Variants in ATP8A2 observed in about 807,000 individuals in gnomAD.
ATP8A2 encodes the protein ATPase phospholipid transporting 8A2.
ATP8A2 carries 100 observed loss-of-function variants against 165.6 expected under a neutral mutation model. That is an observed-to-expected ratio of 0.60 (90% CI 0.51 to 0.71). ATP8A2 has a LOEUF of 0.71. Ranked by LOEUF, ATP8A2 falls within the 30% of genes least tolerant of loss-of-function variation. The probability of loss-of-function intolerance (pLI) is 0.00; values close to 1 mark genes in which losing one functional copy is unlikely to be tolerated. For missense variants in ATP8A2, 1,227 were observed against 1,479.5 expected, an observed-to-expected ratio of 0.83 and a Z score of 2.80; for synonymous variants, 543 against 548.8, an observed-to-expected ratio of 0.99 and a Z score of 0.15.
In ATP8A2 at chr13:25,809,699, T is replaced by C. The variant is rs1950819341; in HGVS notation, c.2680-18419T>C. Among the ~76,000 whole-genome samples the C allele has an allele frequency of 1.3e-5, 2 of 152,030 alleles. 1 individual carries two copies. The highest frequency in any genetic ancestry group is 1.3e-4 in the Admixed American group (2 of 15,264). On this transcript the variant is annotated intron_variant, in intron 27 of 36. Coordinates refer to ENST00000381655, the MANE Select transcript of ATP8A2 (RefSeq NM_016529.6). ...CAACACCCTGTGTTCTTCAGAGCTCTGATGTTCTTATTTGTACGTTTCCTT... is the reference window on the plus strand; with the variant it reads ...CAACACCCTGTGTTCTTCAGAGCTCCGATGTTCTTATTTGTACGTTTCCTT...
intron 35 of ATP8A2, among the ~76,000 whole-genome samples, chr13:25,978,563 G>A (rs1956110888): frequency 6.6e-6 from 1 of 151,476 alleles, no homozygotes; most frequent in South Asian, 2.1e-4. Flanking sequence ...AGGCCCCCCA[G>A]CATTCAGGGT....
chr13:25,700,692 A>G (rs1191622259), intron 25 of ATP8A2, among the ~76,000 whole-genome samples: 1 of 152,150 alleles, frequency 6.6e-6, no homozygotes, highest in Non-Finnish European at 1.5e-5. Flanking sequence ...GTTTGGACGT[A>G]GGTTTTCGAC....
chr13:26,020,076 C>A lies in ATP8A2; in HGVS notation c.*91C>A. 1.1e-6 allele frequency: 1 copy of A among 898,358 alleles called. No individual in the cohort carries two copies. 55.6% of individuals were successfully genotyped at this position (898,358 alleles called of 1,614,324 possible). ...CTTTGTCAGAGAAGACTGGCGTCAG[C>A]AGCCAAAACACCAGGAAACACATTT... On this transcript the variant is annotated 3_prime_UTR_variant, in exon 37 of 37. Transcript: ENST00000381655.
rs2040368581 is a variant in ATP8A2, at chr13:25,600,949, CT to C, written c.2211+11251del. Among the ~76,000 whole-genome samples the C allele has an allele frequency of 2.0e-5, 3 of 152,194 alleles. 1 individual carries two copies. The highest frequency in any genetic ancestry group is 1.3e-4 in the Admixed American group (2 of 15,282). ...TACTACAAGATCGCACGGATGTGGTCTATTCCATAAAAGTCAGACCTTTAAC... is the reference window on the plus strand; with the variant it reads ...TACTACAAGATCGCACGGATGTGGTCATTCCATAAAAGTCAGACCTTTAAC... On this transcript the variant is annotated intron_variant, in intron 24 of 36. Transcript: ENST00000381655.
chr13:25,892,456 TTCTCTCTC>T (rs922946189), intron 33 of ATP8A2, among the ~76,000 whole-genome samples: 1 of 125,436 alleles, frequency 8.0e-6, no homozygotes, highest in Non-Finnish European at 1.5e-5. Flanking sequence ...ATGGAAACAT[TTCTCTCTC>T]TCTCTGTCTC....
At chr13:25,392,792 T>TA (rs1398157348) in intron 1 of ATP8A2, among the ~76,000 whole-genome samples, 1 of 152,092 alleles carries the variant, frequency 6.6e-6, no homozygotes, top group Non-Finnish European at 1.5e-5. Flanking sequence ...AACTGGATTC[T>TA]AAGCCGGGCG....
At chr13:25,980,549 C>A (rs1956155257) in intron 35 of ATP8A2, among the ~76,000 whole-genome samples, 1 of 152,128 alleles carries the variant, frequency 6.6e-6, no homozygotes, top group Admixed American at 6.5e-5. Flanking sequence ...CCAGATCACA[C>A]AGGCCTTTGT....
At chr13:25,613,493 G>A (rs1269562688) in intron 24 of ATP8A2, among the ~76,000 whole-genome samples, 1 of 152,170 alleles carries the variant, frequency 6.6e-6, no homozygotes, top group Non-Finnish European at 1.5e-5. Flanking sequence ...AGAATTGCTT[G>A]AAGCTGGGAG....
rs541997090 is a variant in ATP8A2, at chr13:25,826,718, G to A, written c.2680-1400G>A. 2.8e-4 allele frequency among the ~76,000 whole-genome samples: 42 copies of A among 152,286 alleles called. 1 individual carries two copies. The highest frequency in any genetic ancestry group is 9.6e-4 in the African/African-American group (40 of 41,556). ...TATGATTTGTATGGGACACTCTAAA[G>A]TCTGCCCTCAATCAGACTCTCATAT... On this transcript the variant is annotated intron_variant, in intron 27 of 36. Transcript: ENST00000381655.
chr13:25,788,872 T>A (rs1276333242), intron 27 of ATP8A2, among the ~76,000 whole-genome samples: 1 of 152,208 alleles, frequency 6.6e-6, no homozygotes, highest in Non-Finnish European at 1.5e-5. Context: ...TGTGGCCTCA[T>A]CTTCTCCCCT....
chr13:25,631,674 A>G (rs2041243705), intron 24 of ATP8A2, among the ~76,000 whole-genome samples: 1 of 152,176 alleles, frequency 6.6e-6, no homozygotes, highest in African/African-American at 2.4e-5. Flanking sequence ...TGGGTTGCTC[A>G]TATACCTTTA....
At chr13:25,589,754 C>G (rs2138293958) in intron 24 of ATP8A2, 55 bp downstream of exon 24, 2 of 1,077,988 alleles carry the variant, frequency 1.9e-6, no homozygotes, top group Non-Finnish European at 1.4e-6. Context: ...TAAACTCTTT[C>G]TTTCTACTAT....
At chr13:25,968,188 A>G (rs1251588790) in intron 34 of ATP8A2, among the ~76,000 whole-genome samples, 1 of 152,244 alleles carries the variant, frequency 6.6e-6, no homozygotes, top group Admixed American at 6.5e-5. Context: ...CCAGGGAACC[A>G]GTGCCTGTTC....
chr13:25,386,719 G>A (rs1188560867), intron 1 of ATP8A2, among the ~76,000 whole-genome samples: 6 of 151,956 alleles, frequency 3.9e-5, no homozygotes, highest in African/African-American at 1.4e-4. Context: ...AACACAGGCC[G>A]GGCACGGAGG....
intron 19 of ATP8A2, 79 bp downstream of exon 19, chr13:25,574,936 A>G (rs1421933264): frequency 1.3e-6 from 1 of 781,298 alleles, no homozygotes; most frequent in Non-Finnish European, 2.2e-6. Flanking sequence ...ACATGATTGT[A>G]TGGTATGATT....
rs1421060810 is a variant in ATP8A2 at position 25,880,884 on chromosome 13, A to G, written c.3183+18476A>G. On this transcript the variant is annotated intron_variant, in intron 33 of 36. Transcript: ENST00000381655. ...CCAGTTTCTTGATGAAATATGTTTCATGATAAATTCAATCTTTCCTCAGAA... is the reference window on the plus strand; with the variant it reads ...CCAGTTTCTTGATGAAATATGTTTCGTGATAAATTCAATCTTTCCTCAGAA... The G allele has an allele frequency of 6.6e-6, 3 of 455,580 alleles. No individual in the cohort carries two copies. The East Asian group carries it at 2.1e-4, about 32-fold the overall frequency. 28.2% of individuals were successfully genotyped at this position (455,580 alleles called of 1,614,324 possible).
chr13:25,579,050 A>T, intron 21 of ATP8A2, 151 bp downstream of exon 21: 2 of 651,746 alleles, frequency 3.1e-6, no homozygotes, highest in Admixed American at 2.4e-5. Context: ...ATCCAAACTC[A>T]TTTACCTGTA....
chr13:25,527,211 G>A (rs1330856191), intron 2 of ATP8A2, among the ~76,000 whole-genome samples: 2 of 152,086 alleles, frequency 1.3e-5, no homozygotes, highest in Non-Finnish European at 2.9e-5. Context: ...ACCTTATAGT[G>A]CTCTGCTGAA....
At chr13:25,897,158 G>A (rs1215372774) in intron 33 of ATP8A2, among the ~76,000 whole-genome samples, 1 of 152,186 alleles carries the variant, frequency 6.6e-6, no homozygotes, top group Non-Finnish European at 1.5e-5. Flanking sequence ...GCATGTTTTT[G>A]CAGTGGCTGG....
Sources: gnomAD v4.1 joint callset for allele counts (sites outside exome capture counted in the v4.1 genomes callset) on GRCh38, gnomAD v4.1.1 for gene constraint, MANE v1.5 for transcripts, NCBI Gene and HGNC (gene_info 2026-07-23, HGNC 2026-07-21) for gene names.